The following SNX25 variants were observed in gnomAD, a reference collection of about 807,000 sequenced individuals.
SNX25 encodes the protein sorting nexin 25, also known as sorting nexin-25.
SNX25 carries 62 observed loss-of-function variants against 113.7 expected under a neutral mutation model. The observed-to-expected ratio is 0.55, with a 90% CI of 0.44 to 0.67. The LOEUF is 0.67. SNX25 is among the 30% of genes least tolerant of loss of function. The pLI is 0.00. For missense variants in SNX25, 1,014 were observed against 1,161.0 expected (o/e 0.87, Z 1.84); for synonymous variants, 421 against 436.2 (o/e 0.97, Z 0.43).
At chr4:185,370,491 A>G (rs948893431), downstream of SNX25, 18 of 721,874 alleles carry the variant, frequency 2.5e-5, no homozygotes, top group African/African-American at 2.1e-4. Flanking sequence ...TCTGCAAACA[A>G]TCTGCATGTC....
At chr4:185,348,727 TA>T (rs2095300591) in intron 13 of SNX25, among the ~76,000 whole-genome samples, 1 of 152,136 alleles carries the variant, frequency 6.6e-6, no homozygotes, top group Non-Finnish European at 1.5e-5. Context: ...GTGAGAACAT[TA>T]AAAAACCTTT....
chr4:185,367,310 T>TC, downstream of SNX25: 1 of 1,404,890 alleles, frequency 7.1e-7, no homozygotes, highest in South Asian at 1.3e-5. Context: ...CTTCTTTTTT[T>TC]TTTTTTCTTT....
chr4:185,375,487 A>AAAAAAAAAAAAAT, the SNX25 span: 1 of 12,010 alleles, frequency 8.3e-5, no homozygotes, highest in Non-Finnish European at 1.5e-4. Flanking sequence ...AAAAAAAAAA[A>AAAAAAAAAAAAAT]ATATATATAT....
At chr4:185,371,540 TAAAAAAAAA>T (rs11288148), downstream of SNX25, among the ~76,000 whole-genome samples, 1 of 78,302 alleles carries the variant, frequency 1.3e-5, no homozygotes, top group African/African-American at 4.8e-5. Context: ...AGACTCCGTC[TAAAAAAAAA>T]AAAAAAAAAA....
rs547820155 is a variant in SNX25 at position 185,336,902 on chromosome 4, C to A, written c.1915-2477C>A. ...CATTGTGGTTTTGATTTGCATTTCC[C>A]TGATGATTAGTGATGTTGAGCATTT... On this transcript the variant is annotated intron_variant, in intron 10 of 18. Transcript: ENST00000652585. 5.6e-4 allele frequency among the ~76,000 whole-genome samples: 85 copies of A among 152,102 alleles called. 1 individual carries two copies. The highest frequency in any genetic ancestry group is 1.0e-3 in the Non-Finnish European group (71 of 68,024).
intron 11 of SNX25, among the ~76,000 whole-genome samples, chr4:185,369,372 CATGCCTGGCTAATTT>C (rs139128176): frequency 0.23 from 34,161 of 151,422 alleles, 4,090 homozygotes; most frequent in African/African-American, 0.3. Flanking sequence ...CACACATTGC[CATGCCTGGCTAATTT>C]TATTTTTCAG....
intron 6 of SNX25, among the ~76,000 whole-genome samples, chr4:185,306,572 T>C (rs1659042523): frequency 6.6e-6 from 1 of 152,218 alleles, no homozygotes; most frequent in South Asian, 2.1e-4. Flanking sequence ...GGTTGGTAAA[T>C]GGGTGTCAGT....
chr4:185,308,782 T>C (rs1281673640), intron 6 of SNX25, among the ~76,000 whole-genome samples: 2 of 152,154 alleles, frequency 1.3e-5, no homozygotes, highest in Non-Finnish European at 2.9e-5. Flanking sequence ...CTCAGTTGTG[T>C]CTAGGATTAT....
chr4:185,296,637 A>G (rs1310665430), intron 6 of SNX25, among the ~76,000 whole-genome samples: 3 of 152,224 alleles, frequency 2.0e-5, no homozygotes, highest in Admixed American at 6.5e-5. Context: ...AACTAAAAAA[A>G]AAATTTTTTT....
At chr4:185,220,456 C>A (rs1305644062) in intron 1 of SNX25, among the ~76,000 whole-genome samples, 1 of 149,280 alleles carries the variant, frequency 6.7e-6, no homozygotes, top group South Asian at 2.1e-4. Context: ...AATAGCACCT[C>A]TGAAAGTCAG....
intron 12 of SNX25, among the ~76,000 whole-genome samples, chr4:185,343,249 C>T (rs1281865528): frequency 6.6e-6 from 1 of 152,108 alleles, no homozygotes; most frequent in African/African-American, 2.4e-5. Context: ...AAAACGAATA[C>T]TAATAGTGCC....
downstream of SNX25, chr4:185,367,040 A>C: frequency 1.3e-6 from 1 of 767,412 alleles, no homozygotes; most frequent in Non-Finnish European, 2.1e-6. Flanking sequence ...TACGAATTCA[A>C]GAACGAAGTA....
chr4:185,335,357 CAA>C lies in SNX25; in HGVS notation c.1914+2599_1914+2600del, dbSNP rs200565375. ...ACACACACACACACACACACACACA[CAA>C]CAAAAACAAAAAACCTTAAGATTGA... On this transcript the variant is annotated intron_variant, in intron 10 of 18. Transcript: ENST00000652585. Among the ~76,000 whole-genome samples, 112 of 138,680 alleles carry C rather than the reference CAA, an allele frequency of 8.1e-4. 1 individual carries two copies. Among genetic ancestry groups the C allele is most frequent in the Admixed American group, 1.5e-3 (20 of 13,714 alleles). 91.0% of individuals were successfully genotyped at this position (138,680 alleles called of 152,430 possible). A position where few individuals can be genotyped will look rare whatever the true frequency, so the allele number is the denominator to read the frequency against.
intron 6 of SNX25, among the ~76,000 whole-genome samples, chr4:185,292,168 A>C (rs554863915): frequency 6.6e-6 from 1 of 152,194 alleles, no homozygotes; most frequent in Non-Finnish European, 1.5e-5. Context: ...CTGGAACTGT[A>C]TAGGTAGTTC....
At chr4:185,267,851 A>G (rs1478413150) in intron 5 of SNX25, among the ~76,000 whole-genome samples, 1 of 152,232 alleles carries the variant, frequency 6.6e-6, no homozygotes, top group East Asian at 1.9e-4. Flanking sequence ...TATGTGTTAT[A>G]TACTGTATTC....
At position 185,357,693 on chromosome 4, in the gene SNX25, A is replaced by C; in HGVS notation, c.2607A>C (p.Thr869=). 1 of 1,614,150 alleles carries C rather than the reference A, an allele frequency of 6.2e-7. No homozygotes were observed. The highest frequency in any genetic ancestry group is 8.5e-7 in the Non-Finnish European group (1 of 1,180,006). The change falls in exon 16 of 19, where the codon ACA becomes ACC. Residue 869 remains threonine, a synonymous_variant. Transcript: ENST00000652585. ...CAGTGTTTAAATGGGTGAGAAGAAC[A>C]TTAATTGCCCTCGTTCAGGTCACTT... ...LRGMFKWVRR[T]LIALVQVTFG...
intron 6 of SNX25, among the ~76,000 whole-genome samples, chr4:185,299,265 G>C (rs1392555163): frequency 6.6e-6 from 1 of 152,172 alleles, no homozygotes; most frequent in Non-Finnish European, 1.5e-5. Context: ...TGTGCACGTA[G>C]GTAGGTCAGA....
intron 6 of SNX25, among the ~76,000 whole-genome samples, chr4:185,298,634 C>T (rs1753193161): frequency 6.6e-6 from 1 of 152,136 alleles, no homozygotes; most frequent in African/African-American, 2.4e-5. Context: ...CCCTTCCACC[C>T]TGTCTCTCTG....
At chr4:185,224,362 TATATAAAAATATATAG>T (rs1356118718) in intron 1 of SNX25, among the ~76,000 whole-genome samples, 1 of 144,952 alleles carries the variant, frequency 6.9e-6, no homozygotes, top group Non-Finnish European at 1.5e-5. Context: ...AAAATATATA[TATATAAAAATATATAG>T]ATATAAATAT....
Sources: allele counts gnomAD v4.1 joint callset (sites outside exome capture counted in the v4.1 genomes callset), GRCh38; gene constraint gnomAD v4.1.1; transcripts MANE v1.5; gene names NCBI Gene and HGNC (gene_info 2026-07-23, HGNC 2026-07-21).